Variants in KANK4 observed in about 807,000 individuals in gnomAD.
KANK4 encodes KN motif and ankyrin repeat domain-containing protein 4.
Under a neutral mutation model 80.8 loss-of-function variants are expected in KANK4, and 50 were observed. The ratio of observed to expected loss-of-function variants is 0.62; its 90% CI spans 0.49 to 0.78. The LOEUF (loss-of-function observed/expected upper bound fraction) is 0.78. Among genes scored for constraint, KANK4 ranks in the 30% least tolerant of loss-of-function variants. The probability of loss-of-function intolerance (pLI) is 0.00; values close to 1 mark genes in which losing one functional copy is unlikely to be tolerated. For synonymous variants in KANK4, 465 were observed against 506.9 expected (o/e 0.92, Z 1.11); for missense variants, 1,196 against 1,240.1 (o/e 0.96, Z 0.53).
In KANK4 at chr1:62,281,315, A is replaced by G. The variant is rs112883855; in HGVS notation, c.16+234T>C. Among the ~76,000 whole-genome samples the G allele has an allele frequency of 8.3e-3, 1,261 of 152,360 alleles. 8 individuals carry two copies. Among genetic ancestry groups the G allele is most frequent in the African/African-American group, 0.029 (1,187 of 41,578 alleles). On this transcript the variant is annotated intron_variant, in intron 2 of 9. Coordinates refer to ENST00000371153, the MANE Select transcript of KANK4 (RefSeq NM_181712.5). ...GAGGATTGAGGATCAAAGACATTAAATGACTTGTAGAATCACTTAGGTATA... is the reference window on the plus strand; with the variant it reads ...GAGGATTGAGGATCAAAGACATTAAGTGACTTGTAGAATCACTTAGGTATA...
At chr1:62,267,144 C>G (rs1317005557) in intron 5 of KANK4, among the ~76,000 whole-genome samples, 2 of 152,092 alleles carry the variant, frequency 1.3e-5, no homozygotes, top group Non-Finnish European at 2.9e-5. Context: ...TCCTGGCATG[C>G]TGGGAAGGGG....
At position 62,238,233 on chromosome 1, in the gene KANK4, G is replaced by C. The variant is rs745717698; in HGVS notation, c.*44C>G. 2.3e-5 allele frequency: 34 copies of C among 1,449,330 alleles called. 1 individual carries two copies. In the South Asian group the frequency reaches 3.8e-4, roughly 16 times the overall value. The allele number at this position is 1,449,330 out of a possible 1,614,324, so 89.8% of individuals were successfully genotyped here. ...TCTTCAAGGGCGAGGGAGGAGTCCA[G>C]AGAAGAAGGCTTTTGTTCCCCACGG... On this transcript the variant is annotated 3_prime_UTR_variant, in exon 10 of 10. Transcript: ENST00000371153.
intron 3 of KANK4, chr1:62,271,807 T>G: frequency 2.1e-6 from 1 of 486,128 alleles, no homozygotes; most frequent in African/African-American, 1.9e-5. Flanking sequence ...ACAATGCCCC[T>G]CTAAGTGTGG....
intron 6 of KANK4, among the ~76,000 whole-genome samples, chr1:62,263,872 T>C (rs1476876339): frequency 1.3e-5 from 2 of 152,134 alleles, no homozygotes; most frequent in African/African-American, 4.8e-5. Context: ...CCAAGGACCT[T>C]GAGAGTAAAT....
At chr1:62,253,409 CTTTTTTTT>C (rs34488630) in intron 7 of KANK4, among the ~76,000 whole-genome samples, 200 bp from the exon 8 acceptor site, 5 of 110,968 alleles carry the variant, frequency 4.5e-5, no homozygotes, top group African/African-American at 1.4e-4. Context: ...TTCTTTCTTT[CTTTTTTTT>C]TTTTTTTTTT....
intron 9 of KANK4, among the ~76,000 whole-genome samples, chr1:62,240,550 C>A (rs1289780173): frequency 6.6e-6 from 1 of 152,110 alleles, no homozygotes; most frequent in African/African-American, 2.4e-5. Flanking sequence ...ATGTCTGTAA[C>A]CCCAGCTACT....
At position 62,273,402 on chromosome 1, in the gene KANK4, G is replaced by A; in HGVS notation, c.1702C>T (p.Gln568Ter). The A allele has an allele frequency of 1.2e-6, 2 of 1,608,930 alleles. No individual in the cohort carries two copies. The highest frequency in any genetic ancestry group is 1.7e-6 in the Non-Finnish European group (2 of 1,176,600). ...TTCCACTGCTCCTGCAGGAGCTCCTGGATCTTCTTCACATACTGCCCAATA... is the reference window on the plus strand; with the variant it reads ...TTCCACTGCTCCTGCAGGAGCTCCTAGATCTTCTTCACATACTGCCCAATA... ...ATIGQYVKKIQELLQEQWNCL... is the reference protein window; with the variant it reads ...ATIGQYVKKI Residue 568 changes from glutamine (Q) to a stop codon, truncating the protein, a stop_gained, in exon 3 of 10, where the codon CAG (glutamine) becomes TAG (stop). Coordinates refer to ENST00000371153, the MANE Select transcript of KANK4 (RefSeq NM_181712.5). LOFTEE classifies it high-confidence loss of function.
In KANK4 at chr1:62,274,063, C is replaced by T; in HGVS notation, c.1041G>A (p.Gln347=). Residue 347 remains glutamine (Q), a synonymous_variant, in exon 3 of 10, where the codon CAG becomes CAA. Coordinates refer to ENST00000371153, the MANE Select transcript of KANK4 (RefSeq NM_181712.5). ...ACTCTCCCTCCAGGGCCGAGACCTG[C>T]TGTTTCAGGCTGGAGATGCTGCCTG... ...VDPGSISSLK[Q]QVSALEGELS... 6.2e-7 allele frequency: 1 copy of T among 1,614,210 alleles called. No individual in the cohort carries two copies. Among genetic ancestry groups the T allele is most frequent in the Non-Finnish European group, 8.5e-7 (1 of 1,180,046 alleles).
rs74076462 is a variant in KANK4 at position 62,279,102 on chromosome 1, C to T, written c.16+2447G>A. Among the ~76,000 whole-genome samples, 1,094 of 152,234 alleles carry T rather than the reference C, an allele frequency of 7.2e-3. 14 individuals carry two copies. Among genetic ancestry groups the T allele is most frequent in the African/African-American group, 0.025 (1,054 of 41,532 alleles). On this transcript the variant is annotated intron_variant, in intron 2 of 9. Coordinates refer to ENST00000371153, the MANE Select transcript of KANK4 (RefSeq NM_181712.5). ...AAACAGCAGATTCAAAGGCAGAATC[C>T]TCCACAAGGGAGAGGAGGGCAAGTG... is the stretch of plus-strand genomic sequence containing the variant.
rs1040826734 is a variant in KANK4, at chr1:62,236,558, A to G, written c.*1719T>C. On this transcript the variant is annotated 3_prime_UTR_variant, in exon 10 of 10. Transcript: ENST00000371153. The stretch of plus-strand genomic sequence containing the variant: ...AATGGCAAAAGAAGTTTGCTGTACC[A>G]TTGCTGTAGATGGCCTTAATGGGTT... Among the ~76,000 whole-genome samples the G allele has an allele frequency of 6.7e-6, 1 of 148,572 alleles. No individual in the cohort carries two copies. Among genetic ancestry groups the G allele is most frequent in the Non-Finnish European group, 1.5e-5 (1 of 67,518 alleles).
intron 9 of KANK4, among the ~76,000 whole-genome samples, chr1:62,239,957 T>C (rs1035159855): frequency 1.3e-5 from 2 of 152,202 alleles, no homozygotes; most frequent in African/African-American, 2.4e-5. Context: ...CTATTGTGAA[T>C]AGTGCCACAA....
chr1:62,279,374 G>A (rs915978365), intron 2 of KANK4, among the ~76,000 whole-genome samples: 5 of 152,178 alleles, frequency 3.3e-5, no homozygotes, highest in African/African-American at 1.2e-4. Context: ...CCTCACATGC[G>A]GCTCTGCTCC....
chr1:62,294,193 C>T (rs1644339104), intron 1 of KANK4, among the ~76,000 whole-genome samples: 1 of 152,232 alleles, frequency 6.6e-6, no homozygotes, highest in Non-Finnish European at 1.5e-5. Context: ...CAAATTCTCT[C>T]CCACTGCAAA....
intron 1 of KANK4, among the ~76,000 whole-genome samples, chr1:62,291,067 G>A (rs1360187722): frequency 1.3e-5 from 2 of 152,256 alleles, no homozygotes; most frequent in East Asian, 3.9e-4. Flanking sequence ...TCTCTCTGTG[G>A]TCTCACCAAC....
chr1:62,269,576 T>C (rs1390955473), intron 4 of KANK4, among the ~76,000 whole-genome samples: 2 of 152,196 alleles, frequency 1.3e-5, no homozygotes, highest in South Asian at 4.1e-4. Context: ...ACAGTGCTCA[T>C]CTTGGAACTG....
intron 8 of KANK4, among the ~76,000 whole-genome samples, chr1:62,250,580 A>C (rs1671590715): frequency 6.6e-6 from 1 of 152,118 alleles, no homozygotes. Flanking sequence ...GCAGCTATGC[A>C]TTCTCACCCC....
In KANK4 at chr1:62,273,883, C is replaced by T. The variant is rs1672236015; in HGVS notation, c.1221G>A (p.Gln407=). The change falls in exon 3 of 10, where the codon CAG becomes CAA. Residue 407 remains glutamine, a synonymous_variant. Coordinates refer to ENST00000371153, the MANE Select transcript of KANK4 (RefSeq NM_181712.5). ...TGTTCACCATCACGTCCGTCTGGCCCTGAGTGTCTTTGGCGTTCTCTTGGT... is the reference window on the plus strand; with the variant it reads ...TGTTCACCATCACGTCCGTCTGGCCTTGAGTGTCTTTGGCGTTCTCTTGGT... ...QFHQENAKDT[Q]GQTDVMVNTD... The T allele has an allele frequency of 1.2e-6, 2 of 1,614,236 alleles. No homozygotes were observed. Among genetic ancestry groups the T allele is most frequent in the Non-Finnish European group, 1.7e-6 (2 of 1,180,042 alleles).
chr1:62,306,266 A>G (rs1245142846), intron 1 of KANK4, among the ~76,000 whole-genome samples: 2 of 152,220 alleles, frequency 1.3e-5, no homozygotes, highest in African/African-American at 2.4e-5. Context: ...TTGGGATTAC[A>G]GGCATGAGTC....
chr1:62,281,964 G>C (rs1395595776), intron 1 of KANK4, among the ~76,000 whole-genome samples: 1 of 152,160 alleles, frequency 6.6e-6, no homozygotes, highest in Non-Finnish European at 1.5e-5. Context: ...GCTAGTATCA[G>C]ACCCAGGCTT....
Sources: gnomAD v4.1 joint callset for allele counts (sites outside exome capture counted in the v4.1 genomes callset) on GRCh38, gnomAD v4.1.1 for gene constraint, MANE v1.5 for transcripts, NCBI Gene and HGNC (gene_info 2026-07-23, HGNC 2026-07-21) for gene names.